The following SLIT1 variants were observed in gnomAD, a reference collection of about 807,000 sequenced individuals.
The protein encoded by SLIT1 is slit guidance ligand 1.
SLIT1 carries 66 observed loss-of-function variants against 186.1 expected under a neutral mutation model. The ratio of observed to expected loss-of-function variants is 0.35; its 90% CI spans 0.29 to 0.44. SLIT1 has a LOEUF of 0.44. Among genes scored for constraint, SLIT1 ranks in the 20% least tolerant of loss-of-function variants. The pLI is 1.00. For synonymous variants in SLIT1, 761 were observed against 833.8 expected (o/e 0.91, Z 1.50); for missense variants, 1,638 against 2,037.4 (o/e 0.80, Z 3.77).
intron 30 of SLIT1, among the ~76,000 whole-genome samples, chr10:97,012,827 C>G (rs1467986499): frequency 6.6e-6 from 1 of 152,204 alleles, no homozygotes; most frequent in African/African-American, 2.4e-5. Context: ...AGTCCCTAGG[C>G]TTGGGTCCCT....
intron 4 of SLIT1, among the ~76,000 whole-genome samples, chr10:97,133,345 A>C (rs1243804587): frequency 6.6e-6 from 1 of 152,240 alleles, no homozygotes; most frequent in African/African-American, 2.4e-5. Context: ...TGAGCCCAGG[A>C]GTGTGAAACC....
chr10:97,000,203 A>G lies in SLIT1; in HGVS notation c.*909T>C, dbSNP rs1848291217. On this transcript the variant is annotated 3_prime_UTR_variant, in exon 37 of 37. Coordinates refer to ENST00000266058, the MANE Select transcript of SLIT1 (RefSeq NM_003061.3). Reference sequence around the variant, plus strand: ...GCTCCCAGGTCAAGCACCCTGGCCCAGACCCTCACACCCAGTCCCTCTACC... The same window carrying G: ...GCTCCCAGGTCAAGCACCCTGGCCCGGACCCTCACACCCAGTCCCTCTACC... 1 of 152,386 alleles carries G rather than the reference A, an allele frequency of 6.6e-6. No individual in the cohort carries two copies. Among genetic ancestry groups the G allele is most frequent in the Non-Finnish European group, 1.5e-5 (1 of 68,194 alleles). 9.4% of individuals were successfully genotyped at this position (152,386 alleles called of 1,614,324 possible). A position where few individuals can be genotyped will look rare whatever the true frequency, so the allele number is the denominator to read the frequency against.
intron 4 of SLIT1, among the ~76,000 whole-genome samples, chr10:97,117,046 A>G (rs1589399899): frequency 6.6e-6 from 1 of 152,046 alleles, no homozygotes; most frequent in African/African-American, 2.4e-5. Flanking sequence ...CTCCCTCCCC[A>G]TCCCTAACTA....
intron 13 of SLIT1, among the ~76,000 whole-genome samples, chr10:97,049,672 G>A (rs1241553266): frequency 6.6e-6 from 1 of 152,172 alleles, no homozygotes; most frequent in Non-Finnish European, 1.5e-5. Context: ...CAGGCCTGCT[G>A]GAGTCCCTGG....
chr10:97,113,217 C>T (rs1384306389), intron 4 of SLIT1, among the ~76,000 whole-genome samples: 1 of 152,138 alleles, frequency 6.6e-6, no homozygotes, highest in East Asian at 1.9e-4. Flanking sequence ...TGAATCAGCT[C>T]TTCTGAACAT....
intron 12 of SLIT1, 92 bp from the exon 13 acceptor site, chr10:97,056,556 G>T: frequency 2.2e-6 from 3 of 1,352,354 alleles, no homozygotes; most frequent in Non-Finnish European, 3.1e-6. Context: ...CCCGGCCTGC[G>T]TTATTACAGG....
chr10:97,113,955 G>C lies in SLIT1; in HGVS notation c.413+43863C>G, dbSNP rs115497739. 3.6e-3 allele frequency among the ~76,000 whole-genome samples: 553 copies of C among 152,254 alleles called. 4 individuals carry two copies. Among genetic ancestry groups the C allele is most frequent in the African/African-American group, 0.013 (523 of 41,538 alleles). On this transcript the variant is annotated intron_variant, in intron 4 of 36. Transcript: ENST00000266058. The stretch of plus-strand genomic sequence containing the variant: ...GGAGAGTCTTACTACACTCCCAGGT[G>C]GGGCAGGGGTGGGAGTGAGGCATTG...
chr10:97,165,471 C>G (rs1200562220), intron 1 of SLIT1, among the ~76,000 whole-genome samples: 1 of 152,098 alleles, frequency 6.6e-6, no homozygotes, highest in African/African-American at 2.4e-5. Context: ...GGGACTCAAG[C>G]TGAGGCCCAA....
rs1225913666 is a variant in SLIT1 at position 97,021,772 on chromosome 10, AG to A, written c.2583-360del. ...GAGACGGGGTTTCACCATATTGACC[AG>A]GCTGGTCTTGAACTCCTAAACTCAG... On this transcript the variant is annotated intron_variant, in intron 25 of 36. Transcript: ENST00000266058. The surrounding 1 kb of genome is among the most constrained non-coding windows in gnomAD (Gnocchi z 4.5). Among the ~76,000 whole-genome samples, 2 of 152,134 alleles carry A rather than the reference AG, an allele frequency of 1.3e-5. No homozygotes were observed. The highest frequency in any genetic ancestry group is 2.9e-5 in the Non-Finnish European group (2 of 68,020).
intron 8 of SLIT1, among the ~76,000 whole-genome samples, chr10:97,061,166 T>C (rs1848890798): frequency 6.6e-6 from 1 of 152,244 alleles, no homozygotes; most frequent in Non-Finnish European, 1.5e-5. Flanking sequence ...CTCAAGCACT[T>C]ACTGTATGCC....
intron 13 of SLIT1, among the ~76,000 whole-genome samples, chr10:97,053,043 T>C (rs1434461936): frequency 6.6e-6 from 1 of 152,204 alleles, no homozygotes; most frequent in African/African-American, 2.4e-5. Context: ...CAAATTCCTG[T>C]TTTACCGGAT....
chr10:97,135,319 A>G (rs2134698033), intron 4 of SLIT1, among the ~76,000 whole-genome samples: 1 of 152,144 alleles, frequency 6.6e-6, no homozygotes, highest in African/African-American at 2.4e-5. Context: ...CTCGGTGTCC[A>G]CTCACTGCGC....
chr10:97,012,296 G>T (rs1454586285), intron 30 of SLIT1, among the ~76,000 whole-genome samples: 1 of 152,170 alleles, frequency 6.6e-6, no homozygotes, highest in African/African-American at 2.4e-5. Flanking sequence ...GTCTACTAAT[G>T]AGTCTGGAGT....
chr10:97,037,666 C>T, intron 22 of SLIT1, 32 bp downstream of exon 22: 1 of 1,563,402 alleles, frequency 6.4e-7, no homozygotes, highest in Non-Finnish European at 8.8e-7. Context: ...ATGCCAAAGG[C>T]CCTCCTGTCC....
intron 4 of SLIT1, among the ~76,000 whole-genome samples, chr10:97,142,737 C>A (rs925245941): frequency 2.7e-4 from 41 of 152,240 alleles, no homozygotes; most frequent in African/African-American, 9.9e-4. Flanking sequence ...GGGTTACTAT[C>A]TAGAATATAC....
chr10:97,060,561 A>C, intron 9 of SLIT1, 79 bp downstream of exon 9: 2 of 1,567,706 alleles, frequency 1.3e-6, no homozygotes, highest in South Asian at 2.3e-5. Context: ...GGCAGCGCCT[A>C]CTCCAGCTCT....
intron 4 of SLIT1, among the ~76,000 whole-genome samples, chr10:97,119,913 G>GTGTATATATATATATATATATATATA (rs1241836707): frequency 1.8e-5 from 1 of 56,510 alleles, no homozygotes; most frequent in Admixed American, 2.7e-4. Context: ...TTCCAAAGGG[G>GTGTATATATATATATATATATATATA]TATATATATA....
chr10:97,130,899 C>A (rs1242137073), intron 4 of SLIT1, among the ~76,000 whole-genome samples: 4 of 152,182 alleles, frequency 2.6e-5, no homozygotes, highest in Non-Finnish European at 5.9e-5. Context: ...GTCCTCCTTT[C>A]TTCTTCCCTA....
chr10:97,048,253 A>T (rs766763288), intron 14 of SLIT1, among the ~76,000 whole-genome samples: 34 of 152,206 alleles, frequency 2.2e-4, no homozygotes, highest in Non-Finnish European at 4.0e-4. Context: ...CAATGGCACG[A>T]GGTGGGGACT....
Sources: allele counts gnomAD v4.1 joint callset (sites outside exome capture counted in the v4.1 genomes callset), GRCh38; gene constraint gnomAD v4.1.1; non-coding constraint Gnocchi (gnomAD v3.1); transcripts MANE v1.5; gene names NCBI Gene and HGNC (gene_info 2026-07-23, HGNC 2026-07-21).